ATXN3: variants seen among roughly 807,000 people sequenced by gnomAD.
ATXN3 encodes the protein ataxin-3.
Under a neutral mutation model 58.2 loss-of-function variants are expected in ATXN3, and 28 were observed. The observed-to-expected ratio is 0.48, with a 90% CI of 0.36 to 0.66. ATXN3 has a LOEUF of 0.66. Ranked by LOEUF, ATXN3 falls within the 30% of genes least tolerant of loss-of-function variation. The pLI is 0.00. For synonymous variants in ATXN3, 113 were observed against 138.5 expected, an observed-to-expected ratio of 0.82 and a Z score of 1.29; for missense variants, 321 against 422.1, an observed-to-expected ratio of 0.76 and a Z score of 2.10.
chr14:92,091,254 C>T (rs2063721467), intron 5 of ATXN3, among the ~76,000 whole-genome samples: 1 of 151,998 alleles, frequency 6.6e-6, no homozygotes, highest in Admixed American at 6.6e-5. Context: ...AGTTCAAGAC[C>T]AGCCTGACCA....
chr14:92,072,691 G>A (rs2059637916), intron 9 of ATXN3, among the ~76,000 whole-genome samples: 1 of 96,750 alleles, frequency 1.0e-5, no homozygotes. Flanking sequence ...AGAAGCTATA[G>A]GTTAAAAAAA....
intron 1 of ATXN3, among the ~76,000 whole-genome samples, chr14:92,103,097 T>A: frequency 7.5e-6 from 1 of 133,612 alleles, no homozygotes; most frequent in Non-Finnish European, 1.6e-5. Flanking sequence ...CCAAGAAACA[T>A]CAGCAAGAGG....
In ATXN3 at chr14:92,064,145, A is replaced by G; in HGVS notation, c.*175T>C. On this transcript the variant is annotated 3_prime_UTR_variant, in exon 11 of 11. Coordinates refer to ENST00000644486, the MANE Select transcript of ATXN3 (RefSeq NM_004993.6). Reference sequence around the variant, plus strand: ...TGCCTCTTTGGCTAATATTTGGAAGATCATTATTTAGTCCTACAACCGACG... The same window carrying G: ...TGCCTCTTTGGCTAATATTTGGAAGGTCATTATTTAGTCCTACAACCGACG... 2 of 428,880 alleles carry G rather than the reference A, an allele frequency of 4.7e-6. No homozygotes were observed. Among genetic ancestry groups the G allele is most frequent in the Non-Finnish European group, 4.2e-6 (1 of 237,180 alleles). 26.6% of individuals were successfully genotyped at this position (428,880 alleles called of 1,614,324 possible). A position where few individuals can be genotyped will look rare whatever the true frequency, so the allele number is the denominator to read the frequency against.
chr14:92,083,732 T>C (rs1214867182), intron 6 of ATXN3, among the ~76,000 whole-genome samples: 1 of 152,202 alleles, frequency 6.6e-6, no homozygotes, highest in Non-Finnish European at 1.5e-5. Flanking sequence ...CTTGATTGGA[T>C]TGAAGGCTAC....
chr14:92,066,801 G>A (rs1037140881), intron 10 of ATXN3, among the ~76,000 whole-genome samples: 10 of 146,376 alleles, frequency 6.8e-5, no homozygotes, highest in African/African-American at 2.1e-4. Flanking sequence ...ATGGAGTCTC[G>A]CTCAACTGCC....
downstream of ATXN3, among the ~76,000 whole-genome samples, chr14:92,053,939 G>T (rs76674054): frequency 6.4e-3 from 966 of 150,360 alleles, 13 homozygotes; most frequent in African/African-American, 0.022. Flanking sequence ...CTCCATTTTG[G>T]TTTTTTTTTC....
At chr14:92,093,162 T>C (rs2064275929) in intron 5 of ATXN3, 90 bp downstream of exon 5, 1 of 835,038 alleles carries the variant, frequency 1.2e-6, no homozygotes, top group Non-Finnish European at 1.8e-6. Flanking sequence ...TCCCAAACTG[T>C]TGGCATGAGC....
chr14:92,097,803 G>T (rs1446502790), intron 1 of ATXN3, among the ~76,000 whole-genome samples: 2 of 152,096 alleles, frequency 1.3e-5, no homozygotes, highest in Non-Finnish European at 2.9e-5. Context: ...GGGATTACAG[G>T]CAAGAGCCAC....
chr14:92,075,156 G>GTTTTTTTTTT (rs376552690), intron 9 of ATXN3, among the ~76,000 whole-genome samples: 2 of 111,356 alleles, frequency 1.8e-5, no homozygotes, highest in Non-Finnish European at 3.6e-5. Context: ...GTAATAGGGA[G>GTTTTTTTTTT]TTTTTTTTTT....
intron 1 of ATXN3, among the ~76,000 whole-genome samples, chr14:92,098,029 C>T (rs561634929): frequency 1.3e-5 from 2 of 152,254 alleles, no homozygotes; most frequent in East Asian, 3.9e-4. Flanking sequence ...CTAAAAACTA[C>T]TGTATAAAAC....
At chr14:92,090,992 G>A (rs1267013333) in intron 5 of ATXN3, among the ~76,000 whole-genome samples, 4 of 142,772 alleles carry the variant, frequency 2.8e-5, no homozygotes, top group Non-Finnish European at 6.0e-5. Context: ...ACTGTGTTGG[G>A]CCAAGCTGCT....
At chr14:92,086,080 AT>A (rs1313090165) in intron 6 of ATXN3, among the ~76,000 whole-genome samples, 2 of 152,138 alleles carry the variant, frequency 1.3e-5, no homozygotes, top group Non-Finnish European at 2.9e-5. Context: ...AGCAATAAGC[AT>A]GCCAGCACTC....
upstream of ATXN3, among the ~76,000 whole-genome samples, chr14:92,052,506 AT>A (rs1328882253): frequency 4.0e-5 from 6 of 151,522 alleles, no homozygotes; most frequent in African/African-American, 1.2e-4. Context: ...AAAAAAAAAA[AT>A]TAGCATTTCT....
downstream of ATXN3, among the ~76,000 whole-genome samples, chr14:92,055,993 T>C (rs2057463655): frequency 6.6e-6 from 1 of 152,176 alleles, no homozygotes. The surrounding 1 kb of genome is among the most constrained non-coding windows in gnomAD (Gnocchi z 4.5). Context: ...TCTCTGGGTC[T>C]GGCAAAAGGG....
At chr14:92,071,167 C>T in intron 9 of ATXN3, 114 bp from the exon 10 acceptor site, 1 of 1,446,122 alleles carries the variant, frequency 6.9e-7, no homozygotes, top group East Asian at 2.5e-5. Flanking sequence ...AAAGTAGTCA[C>T]TGGTATTAAA....
chr14:92,077,718 T>G (rs2060669243), intron 9 of ATXN3: 1 of 151,890 alleles, frequency 6.6e-6, no homozygotes, highest in African/African-American at 2.4e-5. Flanking sequence ...CAATCTCGGC[T>G]CACTGCAACC....
chr14:92,071,009 CCCTGCTGCTGCT>C lies in ATXN3; in HGVS notation c.905_916del (p.Gln302_Gly306delinsArg). ...ATGTGAACTCTGTCCTGATAGGTCC[CCCTGCTGCTGCT>C]GCTGCTGCTGCTGTTGCTGCTTTTG... is the stretch of plus-strand genomic sequence containing the variant. On this transcript the variant is annotated inframe_deletion, in exon 10 of 11. Coordinates refer to ENST00000644486, the MANE Select transcript of ATXN3 (RefSeq NM_004993.6). 9 of 845,158 alleles carry C rather than the reference CCCTGCTGCTGCT, an allele frequency of 1.1e-5. No homozygotes were observed. Among genetic ancestry groups the C allele is most frequent in the South Asian group, 3.8e-5 (2 of 53,106 alleles). 52.4% of individuals were successfully genotyped at this position (845,158 alleles called of 1,614,324 possible).
intron 6 of ATXN3, among the ~76,000 whole-genome samples, chr14:92,088,028 AAGGGATAG>A (rs2062970703): frequency 6.6e-6 from 1 of 152,230 alleles, no homozygotes; most frequent in Non-Finnish European, 1.5e-5. Context: ...GCAAAAGGAC[AAGGGATAG>A]TTTAATCTAG....
chr14:92,059,006 T>C lies in ATXN3; in HGVS notation c.*5314A>G, dbSNP rs926783505. Reference sequence around the variant, plus strand: ...ATTCCTTGAACTATGCAAGAGACAATTGAGAGCTTCCTAAATGCATCAGGA... The same window carrying C: ...ATTCCTTGAACTATGCAAGAGACAACTGAGAGCTTCCTAAATGCATCAGGA... On this transcript the variant is annotated 3_prime_UTR_variant, in exon 11 of 11. Coordinates refer to ENST00000644486, the MANE Select transcript of ATXN3 (RefSeq NM_004993.6). 9.9e-5 allele frequency: 15 copies of C among 151,914 alleles called. No individual in the cohort carries two copies. Among genetic ancestry groups the C allele is most frequent in the African/African-American group, 1.9e-4 (8 of 41,362 alleles). The allele number at this position is 151,914 out of a possible 1,614,324, so 9.4% of individuals were successfully genotyped here. A position where few individuals can be genotyped will look rare whatever the true frequency, so the allele number is the denominator to read the frequency against.
Sources: allele counts gnomAD v4.1 joint callset (sites outside exome capture counted in the v4.1 genomes callset), GRCh38; gene constraint gnomAD v4.1.1; non-coding constraint Gnocchi (gnomAD v3.1); transcripts MANE v1.5; gene names NCBI Gene and HGNC (gene_info 2026-07-23, HGNC 2026-07-21).